Variants in TENM2 observed in about 807,000 individuals in gnomAD.
The protein encoded by TENM2 is teneurin-2.
In TENM2, 52 loss-of-function variants were observed where a neutral mutation model predicts 245.2. The observed-to-expected ratio is 0.21, with a 90% CI of 0.17 to 0.27. TENM2 has a LOEUF of 0.27. Among genes scored for constraint, TENM2 ranks in the 10% least tolerant of loss-of-function variants. The pLI is 1.00. For synonymous variants in TENM2, 1,363 were observed against 1,438.9 expected (o/e 0.95, Z 1.19); for missense variants, 3,046 against 3,666.8 (o/e 0.83, Z 4.37).
intron 2 of TENM2, among the ~76,000 whole-genome samples, chr5:167,665,917 C>G (rs1755544152): frequency 6.6e-6 from 1 of 152,138 alleles, no homozygotes; most frequent in Non-Finnish European, 1.5e-5. Flanking sequence ...CATTCTCATT[C>G]CTCTCCTGCA....
At chr5:167,539,865 C>T (rs1772086474) in intron 2 of TENM2, among the ~76,000 whole-genome samples, 1 of 152,080 alleles carries the variant, frequency 6.6e-6, no homozygotes. Context: ...AACTGGAATA[C>T]AGCCCTATCT....
chr5:167,543,295 T>C (rs1772334969), intron 2 of TENM2, among the ~76,000 whole-genome samples: 1 of 152,166 alleles, frequency 6.6e-6, no homozygotes, highest in South Asian at 2.1e-4. Flanking sequence ...GCCCAGAAGT[T>C]GTCCTGTGTC....
At chr5:167,291,999 G>T (rs1420136472) in intron 1 of TENM2, among the ~76,000 whole-genome samples, 1 of 152,140 alleles carries the variant, frequency 6.6e-6, no homozygotes, top group Non-Finnish European at 1.5e-5. Context: ...AGGAGCAAAG[G>T]CACATCTTAC....
chr5:167,270,246 T>C, the TENM2 span, among the ~76,000 whole-genome samples: 1 of 152,166 alleles, frequency 6.6e-6, no homozygotes, highest in Non-Finnish European at 1.5e-5. Context: ...ACCTAACATG[T>C]CATTTAGAAT....
intron 1 of TENM2, among the ~76,000 whole-genome samples, chr5:167,363,026 A>G (rs555914246): frequency 6.6e-6 from 1 of 152,360 alleles, no homozygotes; most frequent in Admixed American, 6.5e-5. Context: ...AAATGGAAAC[A>G]GAAGTATTAA....
rs369186509 is a variant in TENM2, at chr5:167,371,358, C to T, written c.227-3840C>T. ...TGTTTTTTTTTTTTTTCTTTCTTTT[C>T]TTTTTTTTTTTTTTGAAACGGAGTT... On this transcript the variant is annotated intron_variant, in intron 1 of 28. Transcript: ENST00000518659. 2.5e-3 allele frequency among the ~76,000 whole-genome samples: 300 copies of T among 119,662 alleles called. 1 individual carries two copies. Among genetic ancestry groups the T allele is most frequent in the African/African-American group, 4.5e-3 (138 of 30,704 alleles). The allele number at this position is 119,662 out of a possible 152,430, so 78.5% of individuals were successfully genotyped here.
chr5:167,912,967 CA>C (rs1472511587), intron 3 of TENM2, among the ~76,000 whole-genome samples: 6 of 152,038 alleles, frequency 3.9e-5, no homozygotes, highest in Non-Finnish European at 8.8e-5. Flanking sequence ...ACCAGCCAAG[CA>C]GCAAGAAAGG....
intron 4 of TENM2, among the ~76,000 whole-genome samples, chr5:167,966,705 A>T (rs1338735763): frequency 6.6e-6 from 1 of 152,206 alleles, no homozygotes; most frequent in Non-Finnish European, 1.5e-5. Context: ...CTACCTAAGG[A>T]TTAATTTTCT....
intron 23 of TENM2, among the ~76,000 whole-genome samples, chr5:168,223,249 G>A (rs1468333633): frequency 6.6e-6 from 1 of 152,132 alleles, no homozygotes; most frequent in African/African-American, 2.4e-5. Context: ...AAACTCAGCA[G>A]CCTATGCATT....
intron 8 of TENM2, among the ~76,000 whole-genome samples, chr5:168,092,258 G>T (rs907512706): frequency 5.9e-5 from 9 of 152,190 alleles, no homozygotes; most frequent in African/African-American, 2.2e-4. Flanking sequence ...TATTCCTTCT[G>T]CTAAGCAAAG....
intron 5 of TENM2, among the ~76,000 whole-genome samples, chr5:168,035,938 G>A (rs572142923): frequency 6.6e-6 from 1 of 152,290 alleles, no homozygotes; most frequent in South Asian, 2.1e-4. Context: ...AATAAGACTA[G>A]TAGGAGATGC....
chr5:168,128,997 A>G (rs1319566099), intron 12 of TENM2: 1 of 150,978 alleles, frequency 6.6e-6, no homozygotes, highest in African/African-American at 2.4e-5. Flanking sequence ...CCTGAATTGC[A>G]CAAATCTTGA....
chr5:167,991,535 G>T (rs1312289023), intron 4 of TENM2, among the ~76,000 whole-genome samples: 2 of 152,192 alleles, frequency 1.3e-5, no homozygotes, highest in Non-Finnish European at 2.9e-5. Context: ...GTATAAGAAA[G>T]AATCATCAGA....
At chr5:168,147,315 G>A (rs1256385857) in intron 12 of TENM2, among the ~76,000 whole-genome samples, 1 of 152,156 alleles carries the variant, frequency 6.6e-6, no homozygotes, top group Non-Finnish European at 1.5e-5. Context: ...CCATCATTTC[G>A]AATCTCTTGA....
At chr5:167,910,488 G>T (rs910012642) in intron 3 of TENM2, among the ~76,000 whole-genome samples, 1 of 152,102 alleles carries the variant, frequency 6.6e-6, no homozygotes, top group East Asian at 1.9e-4. Flanking sequence ...AGTAGGTTTG[G>T]TTTGGGAGGA....
intron 2 of TENM2, among the ~76,000 whole-genome samples, chr5:167,763,664 A>G (rs550799574): frequency 6.6e-6 from 1 of 152,286 alleles, no homozygotes; most frequent in East Asian, 1.9e-4. Flanking sequence ...ATTACCACTT[A>G]TGTCTTGAAT....
chr5:167,881,033 A>G (rs1773836332), intron 3 of TENM2, among the ~76,000 whole-genome samples: 1 of 152,136 alleles, frequency 6.6e-6, no homozygotes, highest in African/African-American at 2.4e-5. Context: ...TCCCTCACTC[A>G]TCTGGCCCCT....
At chr5:167,862,656 C>T (rs770236404) in intron 2 of TENM2, among the ~76,000 whole-genome samples, 3 of 152,164 alleles carry the variant, frequency 2.0e-5, no homozygotes, top group Non-Finnish European at 4.4e-5. Flanking sequence ...CCTAAGTGAG[C>T]CTTCAGAGAA....
intron 25 of TENM2, 46 bp downstream of exon 27, chr5:168,228,176 T>C (rs1414622627): frequency 7.6e-6 from 11 of 1,454,490 alleles, no homozygotes; most frequent in Middle Eastern, 2.0e-4. Flanking sequence ...GGAGGGGATA[T>C]ACACTTTCCT....
Sources: allele counts gnomAD v4.1 joint callset (sites outside exome capture counted in the v4.1 genomes callset), GRCh38; gene constraint gnomAD v4.1.1; transcripts MANE v1.5; gene names NCBI Gene and HGNC (gene_info 2026-07-23, HGNC 2026-07-21).